Variants in ZCWPW2 observed in about 807,000 individuals in gnomAD.
The protein encoded by ZCWPW2 is zinc finger CW-type PWWP domain protein 2.
Under a neutral mutation model 46.6 loss-of-function variants are expected in ZCWPW2, and 45 were observed. That is an observed-to-expected ratio of 0.96 (90% CI 0.76 to 1.24). ZCWPW2 has a LOEUF of 1.24. Ranked by LOEUF, ZCWPW2 falls within the 50% of genes most tolerant of loss-of-function variation. ZCWPW2 has a pLI of 0.00. For synonymous variants in ZCWPW2, 152 were observed against 137.1 expected (o/e 1.11, Z -0.76); for missense variants, 429 against 403.9 (o/e 1.06, Z -0.53).
chr3:28,373,674 C>G (rs1453866040), intron 1 of ZCWPW2, among the ~76,000 whole-genome samples: 7 of 151,990 alleles, frequency 4.6e-5, no homozygotes, highest in South Asian at 2.1e-4. Context: ...TGGGGTTTCA[C>G]CATCTTGGCC....
At chr3:28,408,796 A>T (rs1023707533) in intron 2 of ZCWPW2, among the ~76,000 whole-genome samples, 3 of 152,160 alleles carry the variant, frequency 2.0e-5, no homozygotes, top group Non-Finnish European at 4.4e-5. Flanking sequence ...TTCTTTCTAG[A>T]TCTGTACCCC....
At chr3:28,478,703 A>G (rs1258798063) in intron 4 of ZCWPW2, 111 bp from the exon 5 acceptor site, 2 of 468,746 alleles carry the variant, frequency 4.3e-6, no homozygotes, top group Non-Finnish European at 7.2e-6. Flanking sequence ...AGTCTAAGAA[A>G]TACGTTATAC....
chr3:28,422,552 C>T (rs1696836698), intron 3 of ZCWPW2, among the ~76,000 whole-genome samples: 1 of 152,184 alleles, frequency 6.6e-6, no homozygotes, highest in East Asian at 1.9e-4. Context: ...CTTGATTACT[C>T]AGTATTTTTG....
chr3:28,435,936 A>T (rs1040757841), intron 4 of ZCWPW2, among the ~76,000 whole-genome samples: 6 of 152,216 alleles, frequency 3.9e-5, no homozygotes, highest in African/African-American at 1.4e-4. Flanking sequence ...GCTCACAGGA[A>T]AACTTAATTA....
chr3:28,422,566 C>G (rs920941763), intron 3 of ZCWPW2, among the ~76,000 whole-genome samples: 6 of 152,146 alleles, frequency 3.9e-5, no homozygotes, highest in Non-Finnish European at 5.9e-5. Context: ...ATTTTTGCTA[C>G]TGAATAATAG....
intron 1 of ZCWPW2, 49 bp from the exon 2 acceptor site, chr3:28,390,449 G>A: frequency 1.0e-6 from 1 of 969,960 alleles, no homozygotes. Flanking sequence ...TTAAAAATGT[G>A]GGTATTATAT....
In ZCWPW2 at chr3:28,413,094, A is replaced by T. The variant is rs1696468090; in HGVS notation, c.26A>T (p.Lys9Met). ...ATGGATAAAGAAAAATTGGATGTTA[A>T]GATTGAATATTGTAACTATGCAATG... MDKEKLDV[K>M]IEYCNYAMDS... The change falls in exon 3 of 10, where the codon AAG becomes ATG. Residue 9 changes from lysine to methionine, a missense_variant. Lys to Met is a moderately conservative substitution (Grantham distance 95). Coordinates refer to ENST00000383768, the MANE Select transcript of ZCWPW2 (RefSeq NM_001040432.4). 6.2e-7 allele frequency: 1 copy of T among 1,610,926 alleles called. No homozygotes were observed. Among genetic ancestry groups the T allele is most frequent in the South Asian group, 1.1e-5 (1 of 90,836 alleles).
chr3:28,459,374 GA>G lies in ZCWPW2; in HGVS notation c.493-19429del, dbSNP rs1358508752. Among the ~76,000 whole-genome samples, 118 of 136,872 alleles carry G rather than the reference GA, an allele frequency of 8.6e-4. 1 individual carries two copies. The highest frequency in any genetic ancestry group is 3.7e-3 in the Middle Eastern group (1 of 270). 89.8% of individuals were successfully genotyped at this position (136,872 alleles called of 152,430 possible). On this transcript the variant is annotated intron_variant, in intron 4 of 9. Transcript: ENST00000383768. ...GACAGAGCGAGACTCTGTCTCCAAA[GA>G]AAAAAAAAAACAAAAAACAAAAAAC...
At chr3:28,461,717 C>CA (rs1203835910) in intron 4 of ZCWPW2, 1 of 151,884 alleles carries the variant, frequency 6.6e-6, no homozygotes, top group Non-Finnish European at 1.5e-5. Flanking sequence ...CAAAATAGAC[C>CA]AAATTGAATG....
chr3:28,453,870 A>C (rs1228636146), intron 4 of ZCWPW2, among the ~76,000 whole-genome samples: 5 of 147,006 alleles, frequency 3.4e-5, no homozygotes, highest in Admixed American at 2.1e-4. Context: ...TTTGAGACGG[A>C]GTCTCGCTCT....
intron 1 of ZCWPW2, among the ~76,000 whole-genome samples, chr3:28,356,325 T>C (rs987665344): frequency 8.3e-6 from 1 of 120,228 alleles, no homozygotes; most frequent in Non-Finnish European, 1.9e-5. Context: ...CCAGTTAGAA[T>C]GGCAGTCATT....
chr3:28,425,533 T>C (rs537531274), intron 3 of ZCWPW2, among the ~76,000 whole-genome samples: 2 of 152,296 alleles, frequency 1.3e-5, no homozygotes, highest in East Asian at 3.9e-4. Context: ...TCTGTGTCAA[T>C]TCTCTTTAGC....
chr3:28,403,898 A>G (rs952884197), intron 2 of ZCWPW2, among the ~76,000 whole-genome samples: 5 of 152,214 alleles, frequency 3.3e-5, no homozygotes, highest in Non-Finnish European at 7.4e-5. Context: ...TCAACTCAAG[A>G]TGGATTAAGG....
intron 1 of ZCWPW2, among the ~76,000 whole-genome samples, chr3:28,373,003 A>G (rs138675993): frequency 1.7e-4 from 26 of 152,136 alleles, no homozygotes; most frequent in African/African-American, 6.3e-4. Context: ...CTATATATCC[A>G]TATCTATATC....
intron 1 of ZCWPW2, among the ~76,000 whole-genome samples, chr3:28,371,221 C>G (rs547158619): frequency 1.3e-5 from 2 of 152,170 alleles, no homozygotes; most frequent in South Asian, 4.1e-4. Context: ...TTACAACATT[C>G]TACCAGTTTT....
rs139526152 is a variant in ZCWPW2 at position 28,467,287 on chromosome 3, A to G, written c.493-11527A>G. 2.6e-3 allele frequency among the ~76,000 whole-genome samples: 383 copies of G among 150,022 alleles called. 9 individuals are homozygous for G. Among genetic ancestry groups the G allele is most frequent in the African/African-American group, 8.8e-3 (348 of 39,452 alleles). Reference sequence around the variant, plus strand: ...AAAACACAAAAGTACTAAAATACAAACTACAAACAGAGGAGAATATTTGTA... The same window carrying G: ...AAAACACAAAAGTACTAAAATACAAGCTACAAACAGAGGAGAATATTTGTA... On this transcript the variant is annotated intron_variant, in intron 4 of 9. Coordinates refer to ENST00000383768, the MANE Select transcript of ZCWPW2 (RefSeq NM_001040432.4).
chr3:28,461,503 A>T (rs1049087243), intron 4 of ZCWPW2: 6 of 152,120 alleles, frequency 3.9e-5, no homozygotes, highest in African/African-American at 1.4e-4. Context: ...GGTGATCATT[A>T]TGTTTATAAA....
At chr3:28,474,899 G>C (rs962283375) in intron 4 of ZCWPW2, among the ~76,000 whole-genome samples, 6 of 152,012 alleles carry the variant, frequency 3.9e-5, no homozygotes, top group African/African-American at 1.2e-4. Context: ...CAGGATCTCG[G>C]CTCACTGCAA....
At chr3:28,422,653 C>T (rs1285234949) in intron 3 of ZCWPW2, among the ~76,000 whole-genome samples, 1 of 152,130 alleles carries the variant, frequency 6.6e-6, no homozygotes, top group African/African-American at 2.4e-5. Context: ...CAAGTTTTGG[C>T]AGTTATGAAT....
Sources: allele counts gnomAD v4.1 joint callset (sites outside exome capture counted in the v4.1 genomes callset), GRCh38; gene constraint gnomAD v4.1.1; transcripts MANE v1.5; gene names NCBI Gene and HGNC (gene_info 2026-07-23, HGNC 2026-07-21).